SNX29: variants seen among roughly 807,000 people sequenced by gnomAD.
The protein encoded by SNX29 is sorting nexin 29, also known as sorting nexin-29.
In SNX29, 78 loss-of-function variants were observed where a neutral mutation model predicts 102.1. The observed-to-expected ratio is 0.76, with a 90% CI of 0.64 to 0.92. The LOEUF is 0.92. Among genes scored for constraint, SNX29 ranks in the 40% least tolerant of loss-of-function variants. SNX29 has a pLI of 0.00. For synonymous variants in SNX29, 580 were observed against 414.5 expected, an observed-to-expected ratio of 1.40 and a Z score of -4.85; for missense variants, 1,280 against 1,061.7, an observed-to-expected ratio of 1.21 and a Z score of -2.86.
chr16:12,092,463 A>G (rs2052597010), intron 11 of SNX29, among the ~76,000 whole-genome samples: 1 of 152,234 alleles, frequency 6.6e-6, no homozygotes. Flanking sequence ...AGGCCTGGTA[A>G]TATGAGTTGC....
intron 15 of SNX29, among the ~76,000 whole-genome samples, chr16:12,291,706 G>T (rs2079801000): frequency 6.6e-6 from 1 of 152,188 alleles, no homozygotes; most frequent in South Asian, 2.1e-4. Flanking sequence ...CTGATCACAG[G>T]ATCTGGCTTG....
At chr16:12,562,820 A>G (rs987422733) in intron 20 of SNX29, among the ~76,000 whole-genome samples, 8 of 152,124 alleles carry the variant, frequency 5.3e-5, no homozygotes, top group South Asian at 4.1e-4. Flanking sequence ...TTTCCCCCCA[A>G]ATTTCCTAGC....
At chr16:12,419,470 T>C (rs1288509255) in intron 18 of SNX29, among the ~76,000 whole-genome samples, 3 of 152,094 alleles carry the variant, frequency 2.0e-5, no homozygotes, top group Non-Finnish European at 4.4e-5. Flanking sequence ...CCAGCTCAGA[T>C]TGACAGGAAA....
At chr16:12,254,786 T>G (rs1243418852) in intron 14 of SNX29, among the ~76,000 whole-genome samples, 1 of 152,024 alleles carries the variant, frequency 6.6e-6, no homozygotes, top group Non-Finnish European at 1.5e-5. Context: ...GCAAGCGCAG[T>G]TGGTCCCCTG....
chr16:12,464,809 T>C (rs1352448626), intron 18 of SNX29, among the ~76,000 whole-genome samples: 2 of 152,052 alleles, frequency 1.3e-5, no homozygotes, highest in Non-Finnish European at 2.9e-5. Flanking sequence ...TGTATGGTAG[T>C]GCTATTTTTA....
chr16:12,538,539 G>A (rs939805168), intron 20 of SNX29, among the ~76,000 whole-genome samples: 3 of 152,188 alleles, frequency 2.0e-5, no homozygotes, highest in Admixed American at 2.0e-4. Flanking sequence ...TGCGTGAGGT[G>A]ATGGGCTAGG....
chr16:12,280,416 C>T (rs542031937), intron 15 of SNX29, among the ~76,000 whole-genome samples: 6 of 152,304 alleles, frequency 3.9e-5, no homozygotes, highest in East Asian at 1.9e-4. Context: ...CCTGCCTGGC[C>T]GTTCTGGCCA....
At chr16:12,085,483 C>T (rs1194558895) in intron 11 of SNX29, among the ~76,000 whole-genome samples, 16 of 152,280 alleles carry the variant, frequency 1.1e-4, no homozygotes, top group Non-Finnish European at 1.9e-4. Context: ...CGCGCCACCA[C>T]ACCCAGCTAA....
At chr16:12,558,398 G>A (rs955361760) in intron 20 of SNX29, among the ~76,000 whole-genome samples, 5 of 152,326 alleles carry the variant, frequency 3.3e-5, no homozygotes, top group African/African-American at 4.8e-5. Flanking sequence ...AGAGTGATAT[G>A]TTAGCCTTGA....
At chr16:12,540,173 T>G (rs191841248) in intron 20 of SNX29, among the ~76,000 whole-genome samples, 75 of 152,324 alleles carry the variant, frequency 4.9e-4, no homozygotes, top group African/African-American at 1.8e-3. Flanking sequence ...CGATTCATTT[T>G]GAGTGGACTT....
intron 1 of SNX29, among the ~76,000 whole-genome samples, chr16:11,994,541 G>A (rs772830992): frequency 2.0e-5 from 3 of 152,106 alleles, no homozygotes; most frequent in Non-Finnish European, 4.4e-5. Context: ...ATCCCTCCTC[G>A]GCCACTTCCC....
At chr16:11,979,812 G>T (rs896917769) in intron 1 of SNX29, among the ~76,000 whole-genome samples, 1 of 151,974 alleles carries the variant, frequency 6.6e-6, no homozygotes, top group Non-Finnish European at 1.5e-5. Context: ...TCGAACTCCT[G>T]GCTTCATGTG....
At chr16:12,127,998 A>G (rs1056148501) in intron 12 of SNX29, among the ~76,000 whole-genome samples, 1 of 152,180 alleles carries the variant, frequency 6.6e-6, no homozygotes, top group South Asian at 2.1e-4. Flanking sequence ...ACGCTCTTTT[A>G]CACACAGTCA....
chr16:12,538,807 C>A (rs898055670), intron 20 of SNX29, among the ~76,000 whole-genome samples: 4 of 152,254 alleles, frequency 2.6e-5, no homozygotes, highest in Non-Finnish European at 4.4e-5. Context: ...AGGCAGAAAC[C>A]AGAGTCAGTG....
At chr16:12,444,127 G>A (rs2085937512) in intron 18 of SNX29, among the ~76,000 whole-genome samples, 1 of 151,916 alleles carries the variant, frequency 6.6e-6, no homozygotes, top group Admixed American at 6.6e-5. Context: ...ACTCAGTATA[G>A]CACCTAGCAC....
At chr16:12,455,571 C>A (rs977035477) in intron 18 of SNX29, among the ~76,000 whole-genome samples, 1 of 152,268 alleles carries the variant, frequency 6.6e-6, no homozygotes, top group Non-Finnish European at 1.5e-5. Context: ...CTACCTGTTT[C>A]TTCCTCTGTC....
chr16:12,519,886 T>C (rs1299338691), intron 19 of SNX29, among the ~76,000 whole-genome samples: 1 of 152,066 alleles, frequency 6.6e-6, no homozygotes, highest in Admixed American at 6.6e-5. Flanking sequence ...TGTGCCCCTG[T>C]AGTCCCAGCT....
At position 12,534,321 on chromosome 16, in the gene SNX29, G is replaced by A. The variant is rs962566642; in HGVS notation, c.2318+9480G>A. 5.3e-5 allele frequency among the ~76,000 whole-genome samples: 8 copies of A among 152,324 alleles called. 1 individual carries two copies. The East Asian group carries it at 1.5e-3, about 29-fold the overall frequency. On this transcript the variant is annotated intron_variant, in intron 20 of 20. Coordinates refer to ENST00000566228, the MANE Select transcript of SNX29 (RefSeq NM_032167.5). The stretch of plus-strand genomic sequence containing the variant: ...AGACGTGCTCCTAATGAGGGCCTCT[G>A]TGCCCAGCCAAATGTCCTGGTCTTT...
At chr16:12,481,710 T>C (rs1186722755) in intron 19 of SNX29, among the ~76,000 whole-genome samples, 1 of 152,098 alleles carries the variant, frequency 6.6e-6, no homozygotes, top group Non-Finnish European at 1.5e-5. Context: ...AATTTTTGTA[T>C]TTTTAGTAAA....
Sources: allele counts gnomAD v4.1 joint callset (sites outside exome capture counted in the v4.1 genomes callset), GRCh38; gene constraint gnomAD v4.1.1; transcripts MANE v1.5; gene names NCBI Gene and HGNC (gene_info 2026-07-23, HGNC 2026-07-21).